The following ADAM12 variants were observed in gnomAD, a reference collection of about 807,000 sequenced individuals.
ADAM12 encodes disintegrin and metalloproteinase domain-containing protein 12.
In ADAM12, 70 loss-of-function variants were observed where a neutral mutation model predicts 106.4. That is an observed-to-expected ratio of 0.66 (90% confidence interval 0.54 to 0.80). The LOEUF is 0.80. ADAM12 is among the 30% of genes least tolerant of loss of function. The probability of loss-of-function intolerance (pLI) is 0.00; values close to 1 mark genes in which losing one functional copy is unlikely to be tolerated. For synonymous variants in ADAM12, 420 were observed against 433.5 expected (o/e 0.97, Z 0.39); for missense variants, 1,010 against 1,171.9 (o/e 0.86, Z 2.02).
intron 3 of ADAM12, among the ~76,000 whole-genome samples, chr10:126,227,396 A>G (rs1473902593): frequency 6.6e-6 from 1 of 152,124 alleles, no homozygotes; most frequent in Non-Finnish European, 1.5e-5. Flanking sequence ...TTTTCTCTTC[A>G]TCATCAACTT....
intron 22 of ADAM12, among the ~76,000 whole-genome samples, chr10:126,017,771 C>T (rs1953686835): frequency 6.6e-6 from 1 of 152,018 alleles, no homozygotes. Flanking sequence ...CCTAGCAGTC[C>T]CTGCATCCCA....
At chr10:126,178,698 G>A (rs1358493273) in intron 3 of ADAM12, among the ~76,000 whole-genome samples, 2 of 152,042 alleles carry the variant, frequency 1.3e-5, no homozygotes, top group African/African-American at 4.8e-5. Context: ...AAAAGTAAAC[G>A]AGCAAATGTC....
chr10:126,106,972 C>T (rs1167559542), intron 8 of ADAM12, among the ~76,000 whole-genome samples: 2 of 152,182 alleles, frequency 1.3e-5, no homozygotes, highest in East Asian at 3.9e-4. Flanking sequence ...CAGCCGGGGC[C>T]TTGAGCACCG....
At chr10:126,326,051 A>C (rs972050196) in intron 2 of ADAM12, among the ~76,000 whole-genome samples, 2 of 152,230 alleles carry the variant, frequency 1.3e-5, no homozygotes, top group Non-Finnish European at 2.9e-5. Flanking sequence ...AGGACATTCT[A>C]ACATCCCATT....
At chr10:126,169,295 T>G (rs1957078201) in intron 3 of ADAM12, among the ~76,000 whole-genome samples, 1 of 152,224 alleles carries the variant, frequency 6.6e-6, no homozygotes, top group Non-Finnish European at 1.5e-5. Context: ...CTAAATGCGG[T>G]TCTCCTTGTT....
chr10:126,329,941 T>C (rs1446889959), intron 2 of ADAM12, among the ~76,000 whole-genome samples: 3 of 152,258 alleles, frequency 2.0e-5, no homozygotes, highest in African/African-American at 7.2e-5. Context: ...TTCAATTATT[T>C]TATATTATTC....
chr10:126,129,589 G>A (rs1398209938), intron 5 of ADAM12, among the ~76,000 whole-genome samples: 1 of 152,192 alleles, frequency 6.6e-6, no homozygotes, highest in Non-Finnish European at 1.5e-5. Flanking sequence ...CAAGCCACCA[G>A]AGCAAATTGG....
chr10:126,125,221 T>C (rs1221677324), intron 5 of ADAM12, among the ~76,000 whole-genome samples: 1 of 150,742 alleles, frequency 6.6e-6, no homozygotes, highest in Non-Finnish European at 1.5e-5. Context: ...CTCGAATGTA[T>C]TACTTCCTTT....
At chr10:126,074,203 G>T (rs1292778069) in intron 11 of ADAM12, among the ~76,000 whole-genome samples, 2 of 152,178 alleles carry the variant, frequency 1.3e-5, no homozygotes, top group African/African-American at 4.8e-5. Flanking sequence ...AATTAGGAAA[G>T]ACTCTAGGAT....
intron 9 of ADAM12, among the ~76,000 whole-genome samples, chr10:126,100,673 C>T (rs1460990137): frequency 2.0e-5 from 3 of 152,054 alleles, no homozygotes; most frequent in Non-Finnish European, 4.4e-5. Flanking sequence ...TGAGATCATG[C>T]CACTGCACTC....
At chr10:126,065,247 C>G (rs897885627) in intron 13 of ADAM12, among the ~76,000 whole-genome samples, 1 of 152,164 alleles carries the variant, frequency 6.6e-6, no homozygotes, top group Non-Finnish European at 1.5e-5. Context: ...CATGCAACAT[C>G]AGGGTTCTCC....
intron 2 of ADAM12, among the ~76,000 whole-genome samples, chr10:126,298,633 A>C (rs908490310): frequency 1.3e-5 from 2 of 152,174 alleles, no homozygotes; most frequent in Non-Finnish European, 2.9e-5. Flanking sequence ...AGAATTTTTC[A>C]AAATTGGGAA....
intron 14 of ADAM12, among the ~76,000 whole-genome samples, chr10:126,059,583 A>G (rs544002969): frequency 2.5e-4 from 38 of 152,212 alleles, no homozygotes; most frequent in Non-Finnish European, 5.0e-4. Flanking sequence ...GCACTGCCCC[A>G]AGTGGGTCAC....
At chr10:126,045,196 T>A (rs942623070) in intron 17 of ADAM12, among the ~76,000 whole-genome samples, 2 of 152,188 alleles carry the variant, frequency 1.3e-5, no homozygotes, top group Admixed American at 1.3e-4. Flanking sequence ...ATAATAGGAC[T>A]GGACTTGATC....
intron 1 of ADAM12, among the ~76,000 whole-genome samples, chr10:126,370,168 G>A (rs1856060534): frequency 6.6e-6 from 1 of 152,136 alleles, no homozygotes; most frequent in African/African-American, 2.4e-5. Flanking sequence ...CTAACATCTT[G>A]ACTGAAACCA....
At chr10:126,355,109 C>T (rs1487410329) in intron 1 of ADAM12, among the ~76,000 whole-genome samples, 2 of 151,848 alleles carry the variant, frequency 1.3e-5, no homozygotes, top group South Asian at 2.1e-4. Flanking sequence ...ACTCGACTAA[C>T]AAAAAATGTA....
At chr10:126,098,004 T>A (rs1385447381) in intron 10 of ADAM12, among the ~76,000 whole-genome samples, 1 of 152,212 alleles carries the variant, frequency 6.6e-6, no homozygotes, top group Non-Finnish European at 1.5e-5. Flanking sequence ...TTTGGGCCAT[T>A]GGGCTTGGAG....
intron 8 of ADAM12, among the ~76,000 whole-genome samples, chr10:126,108,191 C>T (rs116499596): frequency 0.01 from 1,592 of 152,300 alleles, 24 homozygotes; most frequent in African/African-American, 0.037. Flanking sequence ...TGGTACAGGC[C>T]TGCAATGATG....
chr10:126,366,067 C>A lies in ADAM12; in HGVS notation c.88+21991G>T, dbSNP rs142497969. On this transcript the variant is annotated intron_variant, in intron 1 of 22. Transcript: ENST00000448723. Reference sequence around the variant, plus strand: ...AAATAGCAATAATTAAGCATACAGTCCAAGTACAAGAATAGACAGATCAAT... The same window carrying A: ...AAATAGCAATAATTAAGCATACAGTACAAGTACAAGAATAGACAGATCAAT... Among the ~76,000 whole-genome samples the A allele has an allele frequency of 5.4e-3, 819 of 151,972 alleles. 13 individuals are homozygous for A. Among genetic ancestry groups the A allele is most frequent in the African/African-American group, 0.019 (779 of 41,428 alleles).
Sources: gnomAD v4.1 joint callset for allele counts (sites outside exome capture counted in the v4.1 genomes callset) on GRCh38, gnomAD v4.1.1 for gene constraint, MANE v1.5 for transcripts, NCBI Gene and HGNC (gene_info 2026-07-23, HGNC 2026-07-21) for gene names.